TPTE2: variants seen among roughly 807,000 people sequenced by gnomAD.
The protein encoded by TPTE2 is transmembrane phosphoinositide 3-phosphatase and tensin homolog 2.
Under a neutral mutation model 78.6 loss-of-function variants are expected in TPTE2, and 53 were observed. That is an observed-to-expected ratio of 0.67 (90% confidence interval 0.54 to 0.85). TPTE2 has a LOEUF of 0.85. TPTE2 is among the 40% of genes least tolerant of loss of function. TPTE2 has a pLI of 0.00. For synonymous variants in TPTE2, 175 were observed against 206.2 expected (o/e 0.85, Z 1.30); for missense variants, 461 against 623.0 (o/e 0.74, Z 2.77).
chr13:19,524,576 G>A (rs529968227), intron 1 of TPTE2, among the ~76,000 whole-genome samples: 3 of 152,182 alleles, frequency 2.0e-5, no homozygotes, highest in Non-Finnish European at 4.4e-5. Flanking sequence ...ATAAAGAGAA[G>A]AAAAAGACAT....
rs142558743 is a variant in TPTE2, at chr13:19,515,138, C to A, written c.-43-11861G>T. ...TAGTTTCAAATACACAAACATTCTC[C>A]TCAAGGTAATACACTCCCAAGACTC... On this transcript the variant is annotated intron_variant, in intron 1 of 17. Coordinates refer to the TPTE2 transcript ENST00000390680. Among the ~76,000 whole-genome samples, 8 of 152,280 alleles carry A rather than the reference C, an allele frequency of 5.3e-5. No individual in the cohort carries two copies. The East Asian group carries it at 1.2e-3, about 22-fold the overall frequency.
At chr13:19,491,627 C>G (rs1430322815) in intron 3 of TPTE2, among the ~76,000 whole-genome samples, 1 of 152,044 alleles carries the variant, frequency 6.6e-6, no homozygotes, top group Admixed American at 6.6e-5. Context: ...AGTTCAAGAC[C>G]AGCCTGGCCA....
intron 4 of TPTE2, 24 bp from the exon 8 acceptor site, chr13:19,475,647 AT>A: frequency 6.2e-7 from 1 of 1,604,676 alleles, no homozygotes; most frequent in Non-Finnish European, 8.5e-7. Context: ...TAAAAATAAA[AT>A]TAACCAGATT....
At chr13:19,495,672 A>T (rs1253031406) in intron 1 of TPTE2, among the ~76,000 whole-genome samples, 1 of 152,198 alleles carries the variant, frequency 6.6e-6, no homozygotes, top group African/African-American at 2.4e-5. Context: ...GCATAGATAC[A>T]TGTATAACTG....
chr13:19,503,277 A>T, exon 1 of TPTE2: 1 of 1,613,618 alleles, frequency 6.2e-7, no homozygotes, highest in Non-Finnish European at 8.5e-7. Flanking sequence ...TTGTGGGTGG[A>T]CTAGAGGATG....
At chr13:19,561,264 G>T in the TPTE2 span, 1 of 1,242,736 alleles carries the variant, frequency 8.0e-7, no homozygotes, top group Non-Finnish European at 1.1e-6. Context: ...ACATGGCGCT[G>T]GTCACCTGAC....
At chr13:19,497,558 A>G (rs9508197) in intron 1 of TPTE2, among the ~76,000 whole-genome samples, 1 of 66,708 alleles carries the variant, frequency 1.5e-5, no homozygotes, top group Non-Finnish European at 4.5e-5. Context: ...CTCACATGGC[A>G]GGGTATTCCA....
At chr13:19,445,607 A>C (rs1387583685) in intron 13 of TPTE2, among the ~76,000 whole-genome samples, 1 of 152,192 alleles carries the variant, frequency 6.6e-6, no homozygotes, top group African/African-American at 2.4e-5. Context: ...ACTCAACAAA[A>C]ATGTGGCCAC....
chr13:19,451,279 T>C lies in TPTE2; in HGVS notation c.742-54A>G, dbSNP rs568035052. 5.0e-4 allele frequency: 807 copies of C among 1,608,776 alleles called. 13 individuals are homozygous for C. The South Asian group carries it at 8.0e-3, about 16-fold the overall frequency. ...ATTTACATGGCACCAACACAAGCTA[T>C]TTCCTAGGGGGAACCTAAAATGGTT... On this transcript the variant is annotated intron_variant, in intron 10 of 19. Transcript: ENST00000400230.
intron 3 of TPTE2, among the ~76,000 whole-genome samples, chr13:19,487,856 A>C (rs1880752302): frequency 6.6e-6 from 1 of 152,198 alleles, no homozygotes; most frequent in African/African-American, 2.4e-5. Flanking sequence ...AGTCCAGGAC[A>C]TGCAGCTTTG....
chr13:19,444,112 C>G (rs1236644901), intron 13 of TPTE2, among the ~76,000 whole-genome samples: 2 of 151,328 alleles, frequency 1.3e-5, no homozygotes, highest in Admixed American at 1.3e-4. Context: ...TGAGACCAAC[C>G]TGGGCAACAT....
chr13:19,480,812 C>T (rs1342763224), intron 4 of TPTE2, among the ~76,000 whole-genome samples: 1 of 152,166 alleles, frequency 6.6e-6, no homozygotes, highest in East Asian at 1.9e-4. Flanking sequence ...GCGTCACAAT[C>T]ATTCCCTTTG....
At chr13:19,471,505 T>C (rs967146440) in intron 6 of TPTE2, among the ~76,000 whole-genome samples, 2 of 152,214 alleles carry the variant, frequency 1.3e-5, no homozygotes, top group Admixed American at 1.3e-4. Context: ...TCCATTATTT[T>C]AATCTTATAA....
At chr13:19,550,571 T>G in the TPTE2 span, among the ~76,000 whole-genome samples, 1 of 152,198 alleles carries the variant, frequency 6.6e-6, no homozygotes, top group Non-Finnish European at 1.5e-5. Context: ...GTGATGATAC[T>G]TTACTGGTTA....
Position 19,423,566 on chromosome 13 carries a change from C to T in TPTE2, c.1467-402G>A, listed in dbSNP as rs180679563. ...TTTTACAATCAGACCTTGGAAATGA[C>T]CTTGAGCAGTAGGCTATAACTCCCA... On this transcript the variant is annotated intron_variant, in intron 19 of 19. Coordinates refer to ENST00000400230, the Ensembl canonical transcript of TPTE2. Among the ~76,000 whole-genome samples the T allele has an allele frequency of 4.8e-3, 726 of 152,190 alleles. 3 individuals carry two copies. Among genetic ancestry groups the T allele is most frequent in the Non-Finnish European group, 7.8e-3 (528 of 68,016 alleles).
Position 19,492,834 on chromosome 13 carries a change from T to C in TPTE2, c.119+16A>G. ...ACTCTTATGCATACGTGTGTCTTCA[T>C]GTATTTATAACTCACCTTTTACTGA... On this transcript the variant is annotated intron_variant, in intron 3 of 19. Coordinates refer to ENST00000400230, the Ensembl canonical transcript of TPTE2. The C allele has an allele frequency of 6.2e-7, 1 of 1,613,794 alleles. No individual in the cohort carries two copies. Among genetic ancestry groups the C allele is most frequent in the Non-Finnish European group, 8.5e-7 (1 of 1,179,710 alleles).
intron 5 of TPTE2, among the ~76,000 whole-genome samples, chr13:19,475,372 C>A (rs1407419632): frequency 6.6e-6 from 1 of 151,962 alleles, no homozygotes; most frequent in Non-Finnish European, 1.5e-5. Context: ...ATTACAGGCA[C>A]CTGCCATTAT....
chr13:19,498,064 A>C (rs942962267), intron 1 of TPTE2, among the ~76,000 whole-genome samples: 2 of 151,260 alleles, frequency 1.3e-5, no homozygotes, highest in Admixed American at 6.6e-5. Flanking sequence ...TGGAAGATGA[A>C]ATGAATGAAA....
intron 1 of TPTE2, among the ~76,000 whole-genome samples, chr13:19,499,145 A>G (rs1881589861): frequency 6.6e-6 from 1 of 152,218 alleles, no homozygotes; most frequent in Non-Finnish European, 1.5e-5. Flanking sequence ...CAAGACTCAT[A>G]AAGCAAGTCC....
Sources: allele counts gnomAD v4.1 joint callset (sites outside exome capture counted in the v4.1 genomes callset), GRCh38; gene constraint gnomAD v4.1.1; transcripts MANE v1.5; gene names NCBI Gene and HGNC (gene_info 2026-07-23, HGNC 2026-07-21).